Variants in RALGPS2 observed in about 807,000 individuals in gnomAD.
RALGPS2 encodes Ral GEF with PH domain and SH3 binding motif 2, also known as ras-specific guanine nucleotide-releasing factor RalGPS2.
A neutral mutation model predicts 86.8 loss-of-function variants in RALGPS2; 43 were observed. The ratio of observed to expected loss-of-function variants is 0.50; its 90% CI spans 0.39 to 0.64. RALGPS2 has a LOEUF of 0.64. RALGPS2 is among the 30% of genes least tolerant of loss of function. The probability of loss-of-function intolerance (pLI) is 0.00; values close to 1 mark genes in which losing one functional copy is unlikely to be tolerated. For missense variants in RALGPS2, 536 were observed against 694.6 expected (o/e 0.77, Z 2.57); for synonymous variants, 243 against 231.3 (o/e 1.05, Z -0.46).
intron 1 of RALGPS2, chr1:178,747,206 A>T (rs1572280716): frequency 7.8e-7 from 1 of 1,284,902 alleles, no homozygotes; most frequent in South Asian, 1.2e-5. Context: ...ACTACGGTGG[A>T]TCACCACAGG....
At chr1:178,810,045 A>C (rs956834241) in intron 5 of RALGPS2, among the ~76,000 whole-genome samples, 4 of 151,898 alleles carry the variant, frequency 2.6e-5, no homozygotes, top group African/African-American at 9.7e-5. Flanking sequence ...CCAAGAGTTC[A>C]AGACCAGCTT....
chr1:178,730,643 T>C (rs754466103), intron 1 of RALGPS2, among the ~76,000 whole-genome samples: 74 of 151,888 alleles, frequency 4.9e-4, no homozygotes, highest in Non-Finnish European at 6.2e-4. Flanking sequence ...CTTCCACTTA[T>C]GCTGTGTAGC....
At chr1:178,804,040 C>G (rs1156982244) in intron 4 of RALGPS2, among the ~76,000 whole-genome samples, 1 of 150,946 alleles carries the variant, frequency 6.6e-6, no homozygotes, top group Non-Finnish European at 1.5e-5. Flanking sequence ...TTAACTGTTT[C>G]CTCAATCTTC....
chr1:178,902,301 A>G (rs1329769536), intron 18 of RALGPS2, 90 bp downstream of exon 18: 1 of 1,037,622 alleles, frequency 9.6e-7, no homozygotes, highest in Non-Finnish European at 1.4e-6. Context: ...CTTGTCATAT[A>G]TATAATGTTT....
chr1:178,885,238 A>G (rs765074131), intron 12 of RALGPS2, 27 bp downstream of exon 12: 3 of 1,588,408 alleles, frequency 1.9e-6, no homozygotes, highest in Non-Finnish European at 2.6e-6. Flanking sequence ...TTATCTTTCA[A>G]ATTTTTAAGT....
chr1:178,898,660 T>G (rs1484933269), intron 17 of RALGPS2, among the ~76,000 whole-genome samples: 1 of 151,968 alleles, frequency 6.6e-6, no homozygotes, highest in Non-Finnish European at 1.5e-5. Flanking sequence ...AGCATATATG[T>G]TTCCCTAATT....
chr1:178,732,500 A>G (rs759251583), intron 1 of RALGPS2, among the ~76,000 whole-genome samples: 1 of 151,962 alleles, frequency 6.6e-6, no homozygotes, highest in Non-Finnish European at 1.5e-5. Context: ...GGGTTTCACC[A>G]TGTTAGCCAG....
chr1:178,890,269 A>T (rs578178706), intron 14 of RALGPS2, among the ~76,000 whole-genome samples: 21 of 152,042 alleles, frequency 1.4e-4, no homozygotes, highest in African/African-American at 4.8e-4. Flanking sequence ...CAAATATCAT[A>T]CTATATTGAG....
At chr1:178,875,578 T>C (rs1390596398) in intron 8 of RALGPS2, among the ~76,000 whole-genome samples, 1 of 151,898 alleles carries the variant, frequency 6.6e-6, no homozygotes, top group Non-Finnish European at 1.5e-5. Flanking sequence ...TGAAACCCCA[T>C]CTCTACTAAA....
At chr1:178,812,380 C>T (rs1449661329) in intron 6 of RALGPS2, among the ~76,000 whole-genome samples, 1 of 152,142 alleles carries the variant, frequency 6.6e-6, no homozygotes, top group East Asian at 1.9e-4. Context: ...CAGATAATCT[C>T]AGAGCTACCC....
At chr1:178,750,711 C>A (rs1340424846) in intron 1 of RALGPS2, among the ~76,000 whole-genome samples, 1 of 152,130 alleles carries the variant, frequency 6.6e-6, no homozygotes, top group African/African-American at 2.4e-5. Flanking sequence ...AGGATAATAA[C>A]CTTCTTATTG....
In RALGPS2 at chr1:178,808,031, C is replaced by T. The variant is rs768190734; in HGVS notation, c.214-14C>T. ...GGCTATTACTTAAATTTAATTTTCA[C>T]CTTAATTTTCCAGGAGCTTTCAAGT... On this transcript the variant is annotated splice_polypyrimidine_tract_variant and intron_variant, in intron 4 of 19. Coordinates refer to ENST00000367635, the MANE Select transcript of RALGPS2 (RefSeq NM_152663.5). 2 of 1,562,986 alleles carry T rather than the reference C, an allele frequency of 1.3e-6. No homozygotes were observed. Among genetic ancestry groups the T allele is most frequent in the Admixed American group, 1.7e-5 (1 of 59,440 alleles).
rs997839714 is a variant in RALGPS2 at position 178,918,189 on chromosome 1, G to A, written c.*1830G>A. The A allele has an allele frequency of 1.3e-5, 2 of 152,072 alleles. No individual in the cohort carries two copies. Among genetic ancestry groups the A allele is most frequent in the Non-Finnish European group, 2.9e-5 (2 of 67,968 alleles). The allele number at this position is 152,072 out of a possible 1,614,324, so 9.4% of individuals were successfully genotyped here. A position where few individuals can be genotyped will look rare whatever the true frequency, so the allele number is the denominator to read the frequency against. On this transcript the variant is annotated 3_prime_UTR_variant, in exon 20 of 20. Coordinates refer to ENST00000367635, the MANE Select transcript of RALGPS2 (RefSeq NM_152663.5). The stretch of plus-strand genomic sequence containing the variant: ...AGGACAAAAGTTTCCTGTCCTGAAT[G>A]ATTTTTCAATTAATGCTCTAAGCTT...
At chr1:178,837,303 A>G (rs995807382) in intron 8 of RALGPS2, among the ~76,000 whole-genome samples, 2 of 152,198 alleles carry the variant, frequency 1.3e-5, no homozygotes, top group African/African-American at 4.8e-5. Context: ...ATCTACAGGT[A>G]TCTCCCATTC....
intron 4 of RALGPS2, among the ~76,000 whole-genome samples, chr1:178,806,220 C>CT (rs1654733218): frequency 6.6e-6 from 1 of 152,116 alleles, no homozygotes; most frequent in South Asian, 2.1e-4. Flanking sequence ...GACAAATTCT[C>CT]TGAGATGTTC....
At chr1:178,865,479 C>G (rs1260671370) in intron 8 of RALGPS2, 1 of 1,613,992 alleles carries the variant, frequency 6.2e-7, no homozygotes, top group African/African-American at 1.3e-5. Flanking sequence ...TGCAGAACAT[C>G]TATCTCCCGC....
At chr1:178,731,300 T>C (rs1223664364) in intron 1 of RALGPS2, among the ~76,000 whole-genome samples, 2 of 111,196 alleles carry the variant, frequency 1.8e-5, no homozygotes, top group Non-Finnish European at 3.8e-5. Flanking sequence ...TTTTTTTTTT[T>C]TGAGACAGAG....
chr1:178,845,235 A>G (rs917034478), intron 8 of RALGPS2, among the ~76,000 whole-genome samples: 2 of 152,202 alleles, frequency 1.3e-5, no homozygotes, highest in Non-Finnish European at 2.9e-5. Context: ...CCTCTGTAGA[A>G]TGTGAGTATA....
At chr1:178,756,091 G>T (rs1417388262) in intron 1 of RALGPS2, among the ~76,000 whole-genome samples, 1 of 152,052 alleles carries the variant, frequency 6.6e-6, no homozygotes, top group Non-Finnish European at 1.5e-5. Context: ...TGCATAGTTG[G>T]TCAGTATTTT....
Sources: allele counts gnomAD v4.1 joint callset (sites outside exome capture counted in the v4.1 genomes callset), GRCh38; gene constraint gnomAD v4.1.1; transcripts MANE v1.5; gene names NCBI Gene and HGNC (gene_info 2026-07-23, HGNC 2026-07-21).